The following FMR1NB variants were observed in gnomAD, a reference collection of about 807,000 sequenced individuals.
FMR1NB encodes FMR1 neighbor protein.
In FMR1NB, 10 loss-of-function variants were observed where a neutral mutation model predicts 16.8. That is an observed-to-expected ratio of 0.60 (90% CI 0.37 to 1.01). The LOEUF is 1.01. Among genes scored for constraint, FMR1NB ranks in the 50% least tolerant of loss-of-function variants. The pLI, the probability that FMR1NB is intolerant of heterozygous loss-of-function variation, is 0.01. For synonymous variants in FMR1NB, 83 were observed against 79.1 expected (o/e 1.05, Z -0.26); for missense variants, 205 against 204.8 (o/e 1.00, Z 0.00).
chrX:148,021,698 A>G (rs886793280), intron 4 of FMR1NB, among the ~76,000 whole-genome samples: 8 of 110,905 alleles, frequency 7.2e-5, no homozygotes, highest in African/African-American at 1.6e-4. Flanking sequence ...CATCTTGAAC[A>G]TTGTTATTCA....
intron 1 of FMR1NB, among the ~76,000 whole-genome samples, chrX:147,995,623 G>A (rs2044537987): frequency 8.9e-6 from 1 of 112,118 alleles, no homozygotes; most frequent in Non-Finnish European, 1.9e-5. Context: ...TCCTTTTCAG[G>A]GAAATTTAAA....
intron 3 of FMR1NB, chrX:148,008,205 T>TA: frequency 1.6e-5 from 2 of 126,170 alleles, no homozygotes; most frequent in Non-Finnish European, 3.3e-5. Flanking sequence ...CAGGATGGTG[T>TA]GACCATAGAT....
rs189849379 is a variant in FMR1NB, at chrX:148,017,479, T to C, written c.633-7386T>C. On this transcript the variant is annotated intron_variant, in intron 4 of 5. Transcript: ENST00000370467. ...CTTTTACCCCATCACCTTCTCTACC[T>C]CCTTTTTAAGGCCACTAACTCTTAG... Among the ~76,000 whole-genome samples, 1,027 of 110,974 alleles carry C rather than the reference T, an allele frequency of 9.3e-3. 4 individuals carry two copies. The highest frequency in any genetic ancestry group is 0.032 in the Middle Eastern group (7 of 216).
Position 148,003,124 on chromosome X carries a change from G to A in FMR1NB, c.278-77G>A, listed in dbSNP as rs781859363. The A allele has an allele frequency of 7.7e-4, 773 of 1,010,318 alleles. 2 individuals are homozygous for A. Among genetic ancestry groups the A allele is most frequent in the Non-Finnish European group, 8.1e-4 (597 of 739,149 alleles). 83.3% of individuals were successfully genotyped at this position (1,010,318 alleles called of 1,213,427 possible). A position where few individuals can be genotyped will look rare whatever the true frequency, so the allele number is the denominator to read the frequency against. On this transcript the variant is annotated intron_variant, in intron 1 of 5. Transcript: ENST00000370467. ...ACATTCTATAATTAATTTAAGCAAA[G>A]GTAATTACCATTCAAGGGTCATTGA... is the stretch of plus-strand genomic sequence containing the variant.
At chrX:147,998,352 G>A (rs901736870) in intron 1 of FMR1NB, among the ~76,000 whole-genome samples, 1 of 110,164 alleles carries the variant, frequency 9.1e-6, no homozygotes, top group Admixed American at 9.6e-5. Context: ...ACTAACACAG[G>A]GACAGAAAAC....
intron 1 of FMR1NB, among the ~76,000 whole-genome samples, chrX:147,992,346 C>T (rs1181544873): frequency 1.5e-5 from 1 of 68,302 alleles, no homozygotes; most frequent in Non-Finnish European, 2.8e-5. Context: ...GGGCTGACCC[C>T]CCACCTCCCT....
At position 147,981,340 on chromosome X, in the gene FMR1NB, G is replaced by T; in HGVS notation, c.-63G>T. ...CCACGGACTGCCCCGGAAGCTTCTGGGCCACGGACTGCCGGACCGTTGGGC... is the reference window on the plus strand; with the variant it reads ...CCACGGACTGCCCCGGAAGCTTCTGTGCCACGGACTGCCGGACCGTTGGGC... On this transcript the variant is annotated 5_prime_UTR_variant, in exon 1 of 6. Coordinates refer to ENST00000370467, the MANE Select transcript of FMR1NB (RefSeq NM_152578.3). The T allele has an allele frequency of 8.6e-7, 1 of 1,162,728 alleles. No individual in the cohort carries two copies. Among genetic ancestry groups the T allele is most frequent in the Non-Finnish European group, 1.2e-6 (1 of 868,011 alleles).
At chrX:148,018,555 G>A in intron 4 of FMR1NB, among the ~76,000 whole-genome samples, 1 of 111,661 alleles carries the variant, frequency 9.0e-6, no homozygotes, top group Non-Finnish European at 1.9e-5. Flanking sequence ...ACAAACCTGA[G>A]AAAAACAAGC....
chrX:148,002,704 T>G (rs1557188738), intron 1 of FMR1NB, among the ~76,000 whole-genome samples: 1 of 112,368 alleles, frequency 8.9e-6, no homozygotes, highest in African/African-American at 3.2e-5. Flanking sequence ...TGTGTTATCC[T>G]CTTCTCTCAT....
At chrX:148,001,807 T>C (rs782324287) in intron 1 of FMR1NB, among the ~76,000 whole-genome samples, 1 of 110,719 alleles carries the variant, frequency 9.0e-6, no homozygotes, top group South Asian at 3.8e-4. Context: ...GGCACATGAA[T>C]AGATAGGTTG....
At chrX:148,023,496 C>G (rs2044689371) in intron 4 of FMR1NB, among the ~76,000 whole-genome samples, 1 of 110,627 alleles carries the variant, frequency 9.0e-6, no homozygotes, top group African/African-American at 3.3e-5. Context: ...TTATCTTTCT[C>G]TGGGACCCAC....
At position 147,981,431 on chromosome X, in the gene FMR1NB, G is replaced by T; in HGVS notation, c.29G>T (p.Gly10Val). 2.5e-6 allele frequency: 3 copies of T among 1,211,014 alleles called. No homozygotes were observed. The highest frequency in any genetic ancestry group is 3.4e-6 in the Non-Finnish European group (3 of 895,121). Residue 10 changes from glycine (G) to valine (V), a missense_variant, in exon 1 of 6, where the codon GGG becomes GTG. Transcript: ENST00000370467. ...TCTTCACATAGGAGGAAAGCGAAGG[G>T]GAGGAATAGGAGAAGTCACCGTGCC... MSSHRRKAK[G>V]RNRRSHRAMR...
At position 147,993,289 on chromosome X, in the gene FMR1NB, G is replaced by A. The variant is rs782656939; in HGVS notation, c.278-9912G>A. Among the ~76,000 whole-genome samples, 119 of 112,033 alleles carry A rather than the reference G, an allele frequency of 1.1e-3. 1 individual carries two copies. The highest frequency in any genetic ancestry group is 3.5e-3 in the African/African-American group (108 of 31,046). ...GGCGTGGCGGCGCGTGCCTGCAATCGCAGGCATTCGGCAGACTGAGGCAGG... is the reference window on the plus strand; with the variant it reads ...GGCGTGGCGGCGCGTGCCTGCAATCACAGGCATTCGGCAGACTGAGGCAGG... On this transcript the variant is annotated intron_variant, in intron 1 of 5. Coordinates refer to ENST00000370467, the MANE Select transcript of FMR1NB (RefSeq NM_152578.3).
At chrX:148,004,961 C>T (rs1417302992) in intron 2 of FMR1NB, among the ~76,000 whole-genome samples, 2 of 112,702 alleles carry the variant, frequency 1.8e-5, no homozygotes, top group Non-Finnish European at 3.7e-5. Context: ...ACAATCTCGG[C>T]TCACTGCAAC....
At chrX:148,014,751 C>G (rs113327301) in intron 4 of FMR1NB, among the ~76,000 whole-genome samples, 1,210 of 111,190 alleles carry the variant, frequency 0.011, 16 homozygotes, top group African/African-American at 0.037. Context: ...CTCCGGCAAT[C>G]CTCCCACCTC....
At chrX:147,988,890 C>G (rs1356771133) in intron 1 of FMR1NB, among the ~76,000 whole-genome samples, 1 of 111,428 alleles carries the variant, frequency 9.0e-6, no homozygotes, top group Non-Finnish European at 1.9e-5. Flanking sequence ...ACTGGTTATT[C>G]TAGTTAGCAG....
chrX:148,024,745 T>TA (rs1461281064), intron 4 of FMR1NB, 120 bp from the exon 5 acceptor site: 1 of 880,551 alleles, frequency 1.1e-6, no homozygotes, highest in African/African-American at 2.0e-5. Context: ...TCTGGTGAGT[T>TA]AAAAATATCA....
At chrX:148,018,626 G>A (rs1487936852) in intron 4 of FMR1NB, among the ~76,000 whole-genome samples, 13 of 111,131 alleles carry the variant, frequency 1.2e-4, no homozygotes, top group Non-Finnish European at 2.5e-4. Flanking sequence ...GCCATATGTA[G>A]AAAGCTGAAA....
intron 1 of FMR1NB, among the ~76,000 whole-genome samples, chrX:148,000,911 T>C (rs1557188599): frequency 8.0e-5 from 9 of 111,942 alleles, no homozygotes; most frequent in Non-Finnish European, 1.9e-5. Flanking sequence ...CAGGTGTTAA[T>C]ATTGTAAAGA....
Sources: gnomAD v4.1 joint callset for allele counts (sites outside exome capture counted in the v4.1 genomes callset) on GRCh38, gnomAD v4.1.1 for gene constraint, MANE v1.5 for transcripts, NCBI Gene and HGNC (gene_info 2026-07-23, HGNC 2026-07-21) for gene names.